Variants in SLIT1 observed in about 807,000 individuals in gnomAD.
SLIT1 encodes the protein slit homolog 1 protein.
A neutral mutation model predicts 186.1 loss-of-function variants in SLIT1; 66 were observed. That is an observed-to-expected ratio of 0.35 (90% confidence interval 0.29 to 0.44). The LOEUF is 0.44. Ranked by LOEUF, SLIT1 falls within the 20% of genes least tolerant of loss-of-function variation. The pLI is 1.00. For missense variants in SLIT1, 1,638 were observed against 2,037.4 expected (o/e 0.80, Z 3.77); for synonymous variants, 761 against 833.8 (o/e 0.91, Z 1.50).
Position 97,021,443 on chromosome 10 carries a change from T to G in SLIT1, c.2583-30A>C. 4 of 1,598,960 alleles carry G rather than the reference T, an allele frequency of 2.5e-6. No individual in the cohort carries two copies. Among genetic ancestry groups the G allele is most frequent in the Non-Finnish European group, 3.4e-6 (4 of 1,170,184 alleles). On this transcript the variant is annotated intron_variant, in intron 25 of 36. Coordinates refer to ENST00000266058, the MANE Select transcript of SLIT1 (RefSeq NM_003061.3). This position sits in a 1 kb window ranked among gnomAD's most constrained non-coding sequence, Gnocchi z 4.5. ...GCAGAAAGCAGAGAGAAGCAGGCAT[T>G]ACAGCTTCATGGGGTCCCTCGCCCA...
At chr10:97,078,510 C>G (rs1849069566) in intron 4 of SLIT1, among the ~76,000 whole-genome samples, 1 of 152,214 alleles carries the variant, frequency 6.6e-6, no homozygotes, top group African/African-American at 2.4e-5. Flanking sequence ...ATGCGTTCCC[C>G]CAACAGAGAT....
intron 4 of SLIT1, among the ~76,000 whole-genome samples, chr10:97,121,085 G>T (rs1734808881): frequency 6.6e-6 from 1 of 152,128 alleles, no homozygotes; most frequent in South Asian, 2.1e-4. Flanking sequence ...GCACTACTTT[G>T]CATTCTCTCC....
At chr10:97,081,687 C>T (rs1383652791) in intron 4 of SLIT1, among the ~76,000 whole-genome samples, 2 of 152,184 alleles carry the variant, frequency 1.3e-5, no homozygotes, top group African/African-American at 4.8e-5. Flanking sequence ...TAACAACTTT[C>T]CAGGCAGGCA....
At chr10:97,017,949 A>G (rs2134597606) in intron 28 of SLIT1, among the ~76,000 whole-genome samples, 1 of 151,358 alleles carries the variant, frequency 6.6e-6, no homozygotes, top group Admixed American at 6.6e-5. Context: ...TCCAGTTTCA[A>G]GCGATTCTCC....
chr10:97,166,573 A>AG (rs1564692765), intron 1 of SLIT1, among the ~76,000 whole-genome samples: 1,010 of 44,866 alleles, frequency 0.023, 5 homozygotes, highest in East Asian at 0.038. Flanking sequence ...GAGAGAGAGA[A>AG]AGAAAGAAAG....
intron 4 of SLIT1, among the ~76,000 whole-genome samples, chr10:97,072,685 G>A (rs545443268): frequency 6.6e-6 from 1 of 152,318 alleles, no homozygotes; most frequent in Admixed American, 6.5e-5. Context: ...CCCAGGAGAG[G>A]CCAGAGGAAA....
intron 1 of SLIT1, among the ~76,000 whole-genome samples, chr10:97,166,573 A>AGAGAGAGAC (rs1564692765): frequency 2.2e-5 from 1 of 44,970 alleles, no homozygotes; most frequent in East Asian, 6.2e-4. Flanking sequence ...GAGAGAGAGA[A>AGAGAGAGAC]AGAAAGAAAG....
chr10:97,031,412 T>C (rs1160587978), intron 24 of SLIT1, among the ~76,000 whole-genome samples, 194 bp downstream of exon 24: 2 of 152,198 alleles, frequency 1.3e-5, no homozygotes, highest in African/African-American at 4.8e-5. Context: ...AACCCCCATT[T>C]CTCAGATCAT....
chr10:97,130,823 C>T (rs1849645853), intron 4 of SLIT1, among the ~76,000 whole-genome samples: 1 of 152,174 alleles, frequency 6.6e-6, no homozygotes, highest in Admixed American at 6.5e-5. Flanking sequence ...ACCAGCACCG[C>T]TATTGTTTTT....
At chr10:97,182,315 G>A (rs761068315) in intron 1 of SLIT1, among the ~76,000 whole-genome samples, 5 of 152,170 alleles carry the variant, frequency 3.3e-5, no homozygotes, top group Non-Finnish European at 7.3e-5. Context: ...GCAGGCTGCC[G>A]CAGAAACTGC....
intron 4 of SLIT1, among the ~76,000 whole-genome samples, chr10:97,148,121 C>T (rs78563802): frequency 0.78 from 118,008 of 151,508 alleles, 46,395 homozygotes; most frequent in Admixed American, 0.85. Context: ...AACCAATTTA[C>T]TTAACCTGCC....
chr10:97,001,065 C>A lies in SLIT1; in HGVS notation c.*47G>T. 3 of 1,501,064 alleles carry A rather than the reference C, an allele frequency of 2.0e-6. No individual in the cohort carries two copies. Among genetic ancestry groups the A allele is most frequent in the Non-Finnish European group, 2.8e-6 (3 of 1,085,654 alleles). 93.0% of individuals were successfully genotyped at this position (1,501,064 alleles called of 1,614,324 possible). ...CTGGCGACTGTCTCCGCTGCTGCAG[C>A]GGCTGGGGCCCCTTGCCCGCCCTCA... On this transcript the variant is annotated 3_prime_UTR_variant, in exon 37 of 37. Transcript: ENST00000266058.
rs1230021910 is a variant in SLIT1, at chr10:97,066,039, C to T, written c.461G>A (p.Arg154Gln). The change falls in exon 5 of 37, where the codon CGG becomes CAG. Residue 154 changes from arginine to glutamine, a missense_variant. Around this residue, in one of 3 missense-constraint regions of SLIT1, gnomAD observed 1,245 missense variants for 1,535.3 expected, o/e 0.81. Transcript: ENST00000266058. The part of the protein sequence containing the change: ...AIQAIPRKAF[R>Q]GATDLKNLQL... ...CAAATTTTTAAGGTCCGTAGCTCCC[C>T]GAAAAGCTTTCCTGGGGATGGCCTG... is the stretch of plus-strand genomic sequence containing the variant. 29 of 1,605,860 alleles carry T rather than the reference C, an allele frequency of 1.8e-5. No individual in the cohort carries two copies. The highest frequency in any genetic ancestry group is 2.3e-5 in the Non-Finnish European group (27 of 1,175,602).
chr10:97,044,041 C>T (rs1848714778), intron 18 of SLIT1, among the ~76,000 whole-genome samples: 1 of 152,228 alleles, frequency 6.6e-6, no homozygotes, highest in African/African-American at 2.4e-5. Context: ...TGCTACACCG[C>T]TGTGACAGTT....
At chr10:97,052,597 G>C (rs61864218) in intron 13 of SLIT1, among the ~76,000 whole-genome samples, 24,986 of 152,154 alleles carry the variant, frequency 0.16, 2,452 homozygotes, top group African/African-American at 0.27. Context: ...TGTATACTTA[G>C]AACAGGTGAA....
chr10:97,012,654 T>TG (rs1436595980), intron 30 of SLIT1, among the ~76,000 whole-genome samples: 3 of 152,210 alleles, frequency 2.0e-5, no homozygotes, highest in African/African-American at 7.2e-5. Context: ...GCCCCACCCC[T>TG]GGGAGCCCCC....
chr10:97,004,626 C>T lies in SLIT1; in HGVS notation c.3710+67G>A. 3 of 1,591,752 alleles carry T rather than the reference C, an allele frequency of 1.9e-6. No homozygotes were observed. The highest frequency in any genetic ancestry group is 2.2e-5 in the South Asian group (2 of 89,432). On this transcript the variant is annotated intron_variant, in intron 33 of 36. Transcript: ENST00000266058. The surrounding 1 kb of genome is among the most constrained non-coding windows in gnomAD (Gnocchi z 5.1). ...GGTCTCGATAACCACCTGCTTTTGG[C>T]CCAGGAGACCTCGCCCTGGCAGTCC...
chr10:97,048,876 CAGGTGGACAAGTAGGCCGGT>C, intron 14 of SLIT1, 59 bp downstream of exon 14: 1 of 1,462,348 alleles, frequency 6.8e-7, no homozygotes, highest in Non-Finnish European at 9.4e-7. Flanking sequence ...GGCAGGTATG[CAGGTGGACAAGTAGGCCGGT>C]GGGCAGGTGG....
At chr10:97,063,802 G>A (rs1848917403) in intron 7 of SLIT1, among the ~76,000 whole-genome samples, 184 bp from the exon 8 acceptor site, 1 of 152,066 alleles carries the variant, frequency 6.6e-6, no homozygotes, top group Admixed American at 6.6e-5. Context: ...TGAAGATCCC[G>A]CTGCTGCCCC....
Sources: gnomAD v4.1 joint callset for allele counts (sites outside exome capture counted in the v4.1 genomes callset) on GRCh38, gnomAD v4.1.1 for gene constraint, gnomAD v4.1.1 regional missense constraint, Gnocchi (gnomAD v3.1) non-coding constraint, MANE v1.5 for transcripts, NCBI Gene and HGNC (gene_info 2026-07-23, HGNC 2026-07-21) for gene names.